Variants in MAP2K5 observed in about 807,000 individuals in gnomAD.
The protein encoded by MAP2K5 is dual specificity mitogen-activated protein kinase kinase 5.
MAP2K5 carries 49 observed loss-of-function variants against 83.1 expected under a neutral mutation model. That is an observed-to-expected ratio of 0.59 (90% CI 0.47 to 0.75). MAP2K5 has a LOEUF of 0.75. MAP2K5 is among the 30% of genes least tolerant of loss of function. The pLI, the probability that MAP2K5 is intolerant of heterozygous loss-of-function variation, is 0.00. For missense variants in MAP2K5, 457 were observed against 557.5 expected, an observed-to-expected ratio of 0.82 and a Z score of 1.82; for synonymous variants, 202 against 191.8, an observed-to-expected ratio of 1.05 and a Z score of -0.44.
At position 67,550,073 on chromosome 15, in the gene MAP2K5, G is replaced by A; in HGVS notation, c.175G>A (p.Ala59Thr). The change falls in exon 2 of 22, where the codon GCA becomes ACA. Residue 59 changes from alanine (A) to threonine (T), a missense_variant. Around this residue, in one of 3 missense-constraint regions of MAP2K5, gnomAD observed 234 missense variants for 243.6 expected, o/e 0.96. Transcript: ENST00000178640. Reference protein sequence around the residue: ...GQVLPEATTTAFEYEDEDGDR... With the variant: ...GQVLPEATTTTFEYEDEDGDR... Reference sequence around the variant, plus strand: ...GGTTCTGCCTGAAGCAACAACTACAGCATTTGAATGTAAGTCTGGCTTGTA... The same window carrying A: ...GGTTCTGCCTGAAGCAACAACTACAACATTTGAATGTAAGTCTGGCTTGTA... 6.2e-7 allele frequency: 1 copy of A among 1,613,444 alleles called. No individual in the cohort carries two copies. The highest frequency in any genetic ancestry group is 8.5e-7 in the Non-Finnish European group (1 of 1,179,508).
At chr15:67,684,461 T>C (rs536088030) in intron 13 of MAP2K5, among the ~76,000 whole-genome samples, 1 of 152,202 alleles carries the variant, frequency 6.6e-6, no homozygotes, top group South Asian at 2.1e-4. Flanking sequence ...TCAGCAGATA[T>C]ATTACTTGCC....
intron 2 of MAP2K5, among the ~76,000 whole-genome samples, chr15:67,550,960 C>A (rs1045037637): frequency 2.0e-5 from 3 of 152,058 alleles, no homozygotes; most frequent in African/African-American, 7.2e-5. Context: ...TTAGTAGAGA[C>A]AGGGTTTTGC....
At chr15:67,616,334 C>A (rs1467053423) in intron 8 of MAP2K5, among the ~76,000 whole-genome samples, 2 of 152,190 alleles carry the variant, frequency 1.3e-5, no homozygotes, top group Non-Finnish European at 2.9e-5. Context: ...CAACTCTTAA[C>A]TTTCTGTGCC....
chr15:67,617,723 ACT>A (rs1178861225), intron 8 of MAP2K5, among the ~76,000 whole-genome samples: 27 of 152,004 alleles, frequency 1.8e-4, no homozygotes, highest in Admixed American at 1.8e-3. Context: ...ACAGGGCCTC[ACT>A]CTGTCACCTA....
At chr15:67,612,601 G>A (rs1342969114) in intron 8 of MAP2K5, among the ~76,000 whole-genome samples, 2 of 152,086 alleles carry the variant, frequency 1.3e-5, no homozygotes, top group Admixed American at 6.6e-5. Context: ...CAGTTTTTAC[G>A]TTAAAGGAAA....
chr15:67,718,481 G>A (rs917745623), intron 16 of MAP2K5, among the ~76,000 whole-genome samples: 5 of 152,022 alleles, frequency 3.3e-5, no homozygotes, highest in African/African-American at 1.2e-4. Context: ...ATTTTTATGG[G>A]GGCTGGGTGC....
chr15:67,579,402 A>T (rs1340089215), intron 3 of MAP2K5, among the ~76,000 whole-genome samples: 1 of 152,162 alleles, frequency 6.6e-6, no homozygotes, highest in Non-Finnish European at 1.5e-5. Flanking sequence ...CGAGTGCTGT[A>T]TTTCTGTGGT....
In MAP2K5 at chr15:67,783,367, A is replaced by G. The variant is rs2090362213; in HGVS notation, c.1242+10615A>G. 6.6e-6 allele frequency among the ~76,000 whole-genome samples: 1 copy of G among 152,150 alleles called. No individual in the cohort carries two copies. Among genetic ancestry groups the G allele is most frequent in the Non-Finnish European group, 1.5e-5 (1 of 68,038 alleles). ...CCACTCCTGTGGAGTCCTGTGCTCCAAACTTCTGGCAGTCCCCAGATGCGT... is the reference window on the plus strand; with the variant it reads ...CCACTCCTGTGGAGTCCTGTGCTCCGAACTTCTGGCAGTCCCCAGATGCGT... On this transcript the variant is annotated intron_variant, in intron 21 of 21. Transcript: ENST00000178640. This position sits in a 1 kb window ranked among gnomAD's most constrained non-coding sequence, Gnocchi z 5.1.
intron 11 of MAP2K5, among the ~76,000 whole-genome samples, chr15:67,657,188 G>T (rs1337206376): frequency 6.6e-6 from 1 of 152,056 alleles, no homozygotes; most frequent in African/African-American, 2.4e-5. Flanking sequence ...TTGTTTTTTA[G>T]GTTTAGCTTG....
At chr15:67,623,054 A>C (rs929874614) in intron 8 of MAP2K5, among the ~76,000 whole-genome samples, 1 of 152,220 alleles carries the variant, frequency 6.6e-6, no homozygotes, top group Admixed American at 6.5e-5. Flanking sequence ...GTGAGCCAAG[A>C]TCATGCCACT....
chr15:67,607,123 T>G (rs2085794630), intron 8 of MAP2K5, among the ~76,000 whole-genome samples: 1 of 152,202 alleles, frequency 6.6e-6, no homozygotes, highest in Admixed American at 6.5e-5. Context: ...ATGGTTTGAT[T>G]TATTTTGACT....
chr15:67,604,413 A>G lies in MAP2K5; in HGVS notation c.545+3664A>G, dbSNP rs146291016. Among the ~76,000 whole-genome samples, 50 of 152,338 alleles carry G rather than the reference A, an allele frequency of 3.3e-4. 2 individuals carry two copies. Among genetic ancestry groups the G allele is most frequent in the African/African-American group, 9.1e-4 (38 of 41,576 alleles). On this transcript the variant is annotated intron_variant, in intron 8 of 21. Transcript: ENST00000178640. ...TAAATTCAGGAAAGACACATGTTCT[A>G]TTTCCCTCTGAGAGATTCATAATGA...
intron 8 of MAP2K5, chr15:67,628,488 T>TAAAAATA (rs1053234910): frequency 7.6e-6 from 5 of 659,604 alleles, no homozygotes; most frequent in African/African-American, 1.9e-5. Context: ...TAAAAAAAAA[T>TAAAAATA]AAAAATAAAA....
Position 67,561,884 on chromosome 15 carries a change from C to T in MAP2K5, c.185-1399C>T, listed in dbSNP as rs1277154851. Among the ~76,000 whole-genome samples the T allele has an allele frequency of 6.6e-6, 1 of 152,186 alleles. No individual in the cohort carries two copies. Among genetic ancestry groups the T allele is most frequent in the Non-Finnish European group, 1.5e-5 (1 of 68,032 alleles). The stretch of plus-strand genomic sequence containing the variant: ...ACAGCCAGACAGGAGGGAAGACCCA[C>T]TGACTTGTGGTAGGGGAAGATCCCT... On this transcript the variant is annotated intron_variant, in intron 2 of 21. Transcript: ENST00000178640. This position sits in a 1 kb window ranked among gnomAD's most constrained non-coding sequence, Gnocchi z 4.2.
chr15:67,625,730 G>A (rs921769242), intron 8 of MAP2K5, among the ~76,000 whole-genome samples: 3 of 152,198 alleles, frequency 2.0e-5, no homozygotes, highest in Non-Finnish European at 4.4e-5. Flanking sequence ...AATTGGTACT[G>A]TCATTGCACT....
Position 67,677,070 on chromosome 15 carries a change from C to G in MAP2K5, c.847+12425C>G, listed in dbSNP as rs2087701017. ...GTTCCTCACACTTTCCTGTTAACAT[C>G]TCCTTTTCTTAGAAAATTAGCCTGT... is the stretch of plus-strand genomic sequence containing the variant. On this transcript the variant is annotated intron_variant, in intron 13 of 21. Coordinates refer to ENST00000178640, the MANE Select transcript of MAP2K5 (RefSeq NM_145160.3). The surrounding 1 kb of genome is among the most constrained non-coding windows in gnomAD (Gnocchi z 4.2). 6.6e-6 allele frequency among the ~76,000 whole-genome samples: 1 copy of G among 152,146 alleles called. No homozygotes were observed. The highest frequency in any genetic ancestry group is 1.5e-5 in the Non-Finnish European group (1 of 68,014).
At chr15:67,594,330 C>A (rs1222314489) in intron 7 of MAP2K5, among the ~76,000 whole-genome samples, 2 of 152,090 alleles carry the variant, frequency 1.3e-5, no homozygotes, top group African/African-American at 4.8e-5. Context: ...TGACTAAAAG[C>A]AAAAATATTG....
chr15:67,588,036 A>G lies in MAP2K5; in HGVS notation c.431+1123A>G, dbSNP rs1370577364. On this transcript the variant is annotated intron_variant, in intron 6 of 21. Transcript: ENST00000178640. The stretch of plus-strand genomic sequence containing the variant: ...CCTCCTCCACCCTGCAGCTGGAGCC[A>G]TCTTGCCAGTGTACAGTCCTGAGCT... 6.3e-6 allele frequency: 6 copies of G among 958,848 alleles called. No homozygotes were observed. In the East Asian group the frequency reaches 6.9e-4, roughly 110 times the overall value. 59.4% of individuals were successfully genotyped at this position (958,848 alleles called of 1,614,324 possible).
At chr15:67,743,485 A>G (rs1028651983) in intron 17 of MAP2K5, among the ~76,000 whole-genome samples, 2 of 152,246 alleles carry the variant, frequency 1.3e-5, no homozygotes, top group Non-Finnish European at 2.9e-5. Context: ...TGCATTTAGT[A>G]TCTTCACATA....
Sources: allele counts gnomAD v4.1 joint callset (sites outside exome capture counted in the v4.1 genomes callset), GRCh38; gene constraint gnomAD v4.1.1; regional missense constraint gnomAD v4.1.1; non-coding constraint Gnocchi (gnomAD v3.1); transcripts MANE v1.5; gene names NCBI Gene and HGNC (gene_info 2026-07-23, HGNC 2026-07-21).